The following NF1 variants were observed in gnomAD, a reference collection of about 807,000 sequenced individuals.
NF1 encodes the protein neurofibromin.
Under a neutral mutation model 325.7 loss-of-function variants are expected in NF1, and 122 were observed. The observed-to-expected ratio is 0.37, with a 90% CI of 0.32 to 0.44. NF1 has a LOEUF of 0.44. NF1 is among the 20% of genes least tolerant of loss of function. The pLI is 1.00. For synonymous variants in NF1, 1,091 were observed against 1,186.0 expected, an observed-to-expected ratio of 0.92 and a Z score of 1.65; for missense variants, 2,140 against 3,415.4, an observed-to-expected ratio of 0.63 and a Z score of 9.31.
intron 36 of NF1, chr17:31,296,587 T>C (rs2068470572): frequency 4.1e-6 from 2 of 481,968 alleles, no homozygotes; most frequent in East Asian, 3.7e-5. Flanking sequence ...TTATTTTCTC[T>C]CTCCCTCCCC....
In NF1 at chr17:31,346,226, T is replaced by G. The variant is rs892957961; in HGVS notation, c.7190-2894T>G. 2.5e-6 allele frequency: 4 copies of G among 1,610,772 alleles called. No individual in the cohort carries two copies. The African/African-American group carries it at 5.3e-5, about 22-fold the overall frequency. On this transcript the variant is annotated intron_variant, in intron 48 of 57. Transcript: ENST00000358273. ...TGGAAGAACCAGGAAGATGTGGTCA[T>G]TCATTCAGTAGTGTGTGTAGTATTG...
intron 29 of NF1, among the ~76,000 whole-genome samples, chr17:31,238,755 C>T (rs1425032813): frequency 1.3e-5 from 2 of 150,958 alleles, no homozygotes; most frequent in Admixed American, 1.3e-4. Context: ...AAAAGAAACT[C>T]TTTGAAGGTC....
chr17:31,376,446 C>T lies in NF1; in HGVS notation c.*2291C>T, dbSNP rs913108067. The T allele has an allele frequency of 4.3e-6, 1 of 232,522 alleles. No homozygotes were observed. Among genetic ancestry groups the T allele is most frequent in the Admixed American group, 5.6e-5 (1 of 17,758 alleles). The allele number at this position is 232,522 out of a possible 1,614,324, so 14.4% of individuals were successfully genotyped here. Reference sequence around the variant, plus strand: ...AGCCGCCTTTGAAATGCAAAAATACCTTTGACTAGTAAGTACATCCTAGGA... The same window carrying T: ...AGCCGCCTTTGAAATGCAAAAATACTTTTGACTAGTAAGTACATCCTAGGA... On this transcript the variant is annotated 3_prime_UTR_variant, in exon 58 of 58. Coordinates refer to ENST00000358273, the MANE Select transcript of NF1 (RefSeq NM_001042492.3).
intron 12 of NF1, among the ~76,000 whole-genome samples, chr17:31,208,540 T>G (rs2066664334): frequency 6.6e-6 from 1 of 151,826 alleles, no homozygotes; most frequent in African/African-American, 2.4e-5. Flanking sequence ...TACACAGCAC[T>G]TCCCCTCACC....
intron 1 of NF1, among the ~76,000 whole-genome samples, chr17:31,098,603 A>T (rs940388651): frequency 6.6e-6 from 1 of 152,272 alleles, no homozygotes; most frequent in Admixed American, 6.5e-5. Flanking sequence ...TGAGGGGAGA[A>T]AAAGCCCTGC....
At chr17:31,138,158 A>G (rs1033466088) in intron 1 of NF1, 4 of 151,864 alleles carry the variant, frequency 2.6e-5, no homozygotes, top group Non-Finnish European at 4.4e-5. Flanking sequence ...GTTGGAATTG[A>G]TTACTCATGT....
chr17:31,173,145 G>A (rs527402187), intron 5 of NF1, among the ~76,000 whole-genome samples: 1 of 152,060 alleles, frequency 6.6e-6, no homozygotes, highest in African/African-American at 2.4e-5. Flanking sequence ...GGCTGGGCGC[G>A]GTGGCTCACG....
At chr17:31,197,207 G>A (rs1309937664) in intron 8 of NF1, among the ~76,000 whole-genome samples, 1 of 151,768 alleles carries the variant, frequency 6.6e-6, no homozygotes, top group African/African-American at 2.4e-5. Flanking sequence ...ACCATGCCCA[G>A]CTAATTTTTT....
At chr17:31,354,018 GTT>G (rs1180372598) in intron 51 of NF1, among the ~76,000 whole-genome samples, 3 of 152,146 alleles carry the variant, frequency 2.0e-5, no homozygotes, top group Non-Finnish European at 4.4e-5. Flanking sequence ...GTTACTTTGT[GTT>G]TTGTAATTCT....
At chr17:31,221,737 A>G (rs2066924390) in intron 14 of NF1, 113 bp from the exon 15 acceptor site, 1 of 759,682 alleles carries the variant, frequency 1.3e-6, no homozygotes, top group South Asian at 1.5e-5. Context: ...TTGAAACTAC[A>G]AATGAAAGAG....
In NF1 at chr17:31,219,119, G is replaced by A. The variant is rs1555612866; in HGVS notation, c.1641+1G>A. The A allele has an allele frequency of 6.2e-7, 1 of 1,612,688 alleles. No individual in the cohort carries two copies. On this transcript the variant is annotated splice_donor_variant, in intron 14 of 57. Coordinates refer to ENST00000358273, the MANE Select transcript of NF1 (RefSeq NM_001042492.3). LOFTEE classifies it high-confidence loss of function. ...AGAGATTGCTCAGGAAGCAATGGAG[G>A]TAAGGGGAAAATGAATTCCATGTTC...
At position 31,376,603 on chromosome 17, in the gene NF1, A is replaced by G. The variant is rs2070734591; in HGVS notation, c.*2448A>G. 4.3e-6 allele frequency: 1 copy of G among 233,018 alleles called. No homozygotes were observed. The highest frequency in any genetic ancestry group is 1.8e-4 in the South Asian group (1 of 5,536). The allele number at this position is 233,018 out of a possible 1,614,324, so 14.4% of individuals were successfully genotyped here. A position where few individuals can be genotyped will look rare whatever the true frequency, so the allele number is the denominator to read the frequency against. On this transcript the variant is annotated 3_prime_UTR_variant, in exon 58 of 58. Transcript: ENST00000358273. Reference sequence around the variant, plus strand: ...CTCACCACTATGTGTCCCTTGAGAAATGCAACACTTTTTTAGTCTTCATAC... The same window carrying G: ...CTCACCACTATGTGTCCCTTGAGAAGTGCAACACTTTTTTAGTCTTCATAC...
intron 11 of NF1, among the ~76,000 whole-genome samples, chr17:31,205,467 C>A (rs17880265): frequency 2.6e-5 from 4 of 151,950 alleles, no homozygotes; most frequent in African/African-American, 9.7e-5. Flanking sequence ...GTGATTTTCA[C>A]AATTGTCATT....
At chr17:31,305,613 A>T in intron 36 of NF1, 1 of 1,609,380 alleles carries the variant, frequency 6.2e-7, no homozygotes, top group Non-Finnish European at 8.5e-7. Flanking sequence ...GATCCATTTC[A>T]GAATATTTCC....
At chr17:31,335,290 A>ACATATG (rs2069627796) in intron 40 of NF1, among the ~76,000 whole-genome samples, 1 of 71,640 alleles carries the variant, frequency 1.4e-5, no homozygotes, top group Non-Finnish European at 3.2e-5. Context: ...ATATATATAT[A>ACATATG]TATATAATTA....
intron 36 of NF1, chr17:31,314,569 TATTTC>T (rs1282350396): frequency 3.3e-5 from 5 of 152,242 alleles, no homozygotes; most frequent in African/African-American, 1.2e-4. Flanking sequence ...AATGTAATGT[TATTTC>T]CTCATAATAT....
intron 8 of NF1, among the ~76,000 whole-genome samples, chr17:31,192,379 A>G (rs951185815): frequency 2.6e-5 from 4 of 152,186 alleles, no homozygotes; most frequent in African/African-American, 9.7e-5. Context: ...TTTGGTTTAG[A>G]AAGGCGCGAC....
intron 12 of NF1, among the ~76,000 whole-genome samples, chr17:31,213,531 T>C (rs2066766692): frequency 6.6e-6 from 1 of 152,186 alleles, no homozygotes; most frequent in Admixed American, 6.5e-5. Context: ...GTCTTGTTAT[T>C]TCTGTATTAT....
At chr17:31,117,674 A>G (rs1036336707) in intron 1 of NF1, among the ~76,000 whole-genome samples, 3 of 112,898 alleles carry the variant, frequency 2.7e-5, no homozygotes, top group African/African-American at 1.9e-4. Flanking sequence ...CTCCATCTCA[A>G]AAAAAAAAAA....
Sources: allele counts gnomAD v4.1 joint callset (sites outside exome capture counted in the v4.1 genomes callset), GRCh38; gene constraint gnomAD v4.1.1; transcripts MANE v1.5; gene names NCBI Gene and HGNC (gene_info 2026-07-23, HGNC 2026-07-21).